ACER3: variants seen among roughly 807,000 people sequenced by gnomAD.
The protein encoded by ACER3 is alkCDase 3.
In ACER3, 16 loss-of-function variants were observed where a neutral mutation model predicts 48.9. The ratio of observed to expected loss-of-function variants is 0.33; its 90% CI spans 0.22 to 0.50. The LOEUF (loss-of-function observed/expected upper bound fraction) is 0.50. Ranked by LOEUF, ACER3 falls within the 20% of genes least tolerant of loss-of-function variation. The pLI is 0.98. For missense variants in ACER3, 227 were observed against 326.0 expected, an observed-to-expected ratio of 0.70 and a Z score of 2.34; for synonymous variants, 109 against 107.8, an observed-to-expected ratio of 1.01 and a Z score of -0.07.
intron 2 of ACER3, among the ~76,000 whole-genome samples, chr11:76,928,712 T>C (rs994997857): frequency 6.6e-6 from 1 of 152,212 alleles, no homozygotes; most frequent in Non-Finnish European, 1.5e-5. Context: ...ATTTATTAAA[T>C]AAGGAATCCT....
At chr11:76,864,584 T>C (rs1945023920) in intron 1 of ACER3, among the ~76,000 whole-genome samples, 1 of 148,050 alleles carries the variant, frequency 6.8e-6, no homozygotes, top group African/African-American at 2.5e-5. Flanking sequence ...TAACTCATAA[T>C]ATGGAATGGG....
chr11:76,971,356 A>G (rs1948295096), intron 3 of ACER3, among the ~76,000 whole-genome samples: 1 of 152,110 alleles, frequency 6.6e-6, no homozygotes, highest in Non-Finnish European at 1.5e-5. Context: ...CCTGGCCAAC[A>G]TGGTGAAACC....
intron 1 of ACER3, among the ~76,000 whole-genome samples, chr11:76,907,638 A>G (rs1010353165): frequency 6.6e-6 from 1 of 152,132 alleles, no homozygotes; most frequent in Admixed American, 6.6e-5. Context: ...TGGGAGGCCA[A>G]TGTAGGTGGA....
chr11:76,929,274 G>A (rs939016280), intron 2 of ACER3, among the ~76,000 whole-genome samples: 2 of 152,230 alleles, frequency 1.3e-5, no homozygotes, highest in African/African-American at 4.8e-5. Flanking sequence ...TCTGTTATTA[G>A]TGTATAAGAA....
chr11:76,954,790 C>A (rs1278638225), intron 2 of ACER3, among the ~76,000 whole-genome samples: 1 of 151,976 alleles, frequency 6.6e-6, no homozygotes, highest in Non-Finnish European at 1.5e-5. Context: ...TTTGTAGAGA[C>A]AAAGATTCTC....
At chr11:76,927,294 G>T (rs10793206) in intron 2 of ACER3, among the ~76,000 whole-genome samples, 1 of 151,882 alleles carries the variant, frequency 6.6e-6, no homozygotes, top group Non-Finnish European at 1.5e-5. Flanking sequence ...GCAGTTTAGT[G>T]TTCCTCAATA....
At chr11:76,968,514 G>A (rs1948202098) in intron 3 of ACER3, among the ~76,000 whole-genome samples, 1 of 152,154 alleles carries the variant, frequency 6.6e-6, no homozygotes, top group Non-Finnish European at 1.5e-5. Flanking sequence ...AACAAAGCTG[G>A]AGGCATCACT....
chr11:76,921,830 G>T (rs1249201545), intron 1 of ACER3, among the ~76,000 whole-genome samples: 1 of 152,092 alleles, frequency 6.6e-6, no homozygotes, highest in Non-Finnish European at 1.5e-5. Flanking sequence ...TACGTGTTCA[G>T]ATTGTCAATC....
At chr11:77,018,039 A>G (rs1949404681) in intron 9 of ACER3, among the ~76,000 whole-genome samples, 1 of 145,396 alleles carries the variant, frequency 6.9e-6, no homozygotes, top group Non-Finnish European at 1.5e-5. Flanking sequence ...CCTGGGTTCA[A>G]GTGATTCTCC....
chr11:76,897,172 G>T (rs1021867129), intron 1 of ACER3, among the ~76,000 whole-genome samples: 1 of 152,048 alleles, frequency 6.6e-6, no homozygotes, highest in Non-Finnish European at 1.5e-5. Flanking sequence ...GGCTAGGCTG[G>T]TCTCAAACAC....
intron 7 of ACER3, among the ~76,000 whole-genome samples, chr11:77,010,431 CAA>C (rs34446950): frequency 6.1e-4 from 60 of 98,964 alleles, no homozygotes; most frequent in South Asian, 1.0e-3. Flanking sequence ...GAGTATAGGA[CAA>C]AAAAAAAAAA....
intron 2 of ACER3, among the ~76,000 whole-genome samples, chr11:76,931,825 T>C (rs1256088063): frequency 2.0e-5 from 3 of 152,208 alleles, no homozygotes; most frequent in African/African-American, 4.8e-5. Context: ...GAGTTTCTGC[T>C]GAGAGATCAG....
intron 2 of ACER3, chr11:76,955,615 G>A (rs912952615): frequency 3.3e-5 from 5 of 152,232 alleles, no homozygotes; most frequent in African/African-American, 1.2e-4. Flanking sequence ...AAGCTTCAGT[G>A]TCTTACTCTT....
chr11:76,927,064 A>C (rs1946848941), intron 2 of ACER3, among the ~76,000 whole-genome samples: 1 of 152,094 alleles, frequency 6.6e-6, no homozygotes, highest in Admixed American at 6.5e-5. Context: ...CCCATCCCCT[A>C]AGAGCTAGCC....
intron 8 of ACER3, among the ~76,000 whole-genome samples, chr11:77,016,106 CA>C (rs1202450625): frequency 2.3e-4 from 4 of 17,178 alleles, no homozygotes; most frequent in African/African-American, 8.2e-4. Context: ...GACTCCGTCT[CA>C]GGGAAAAAAA....
intron 3 of ACER3, among the ~76,000 whole-genome samples, chr11:76,974,103 C>T (rs1003610847): frequency 6.6e-6 from 1 of 152,236 alleles, no homozygotes; most frequent in Non-Finnish European, 1.5e-5. Flanking sequence ...GCTATTACCA[C>T]ATAGCCTTAA....
At chr11:76,927,887 T>A (rs1399469819) in intron 2 of ACER3, among the ~76,000 whole-genome samples, 1 of 152,186 alleles carries the variant, frequency 6.6e-6, no homozygotes, top group Non-Finnish European at 1.5e-5. Context: ...TGGTTCCAAG[T>A]CTTTGCTATT....
chr11:76,982,211 C>CTTTTTCCTTT (rs1948598673), intron 4 of ACER3, among the ~76,000 whole-genome samples: 2 of 146,926 alleles, frequency 1.4e-5, no homozygotes, highest in Non-Finnish European at 3.0e-5. Flanking sequence ...CTATTCAAAC[C>CTTTTTCCTTT]TTTTTCCTTT....
At chr11:76,985,762 A>C in intron 5 of ACER3, 38 bp downstream of exon 5, 1 of 1,239,110 alleles carries the variant, frequency 8.1e-7, no homozygotes, top group Non-Finnish European at 1.1e-6. Context: ...TAAGCATGTA[A>C]ATTCACCATT....
Sources: allele counts gnomAD v4.1 joint callset (sites outside exome capture counted in the v4.1 genomes callset), GRCh38; gene constraint gnomAD v4.1.1; transcripts MANE v1.5; gene names NCBI Gene and HGNC (gene_info 2026-07-23, HGNC 2026-07-21).